The following NDUFA10 variants were observed in gnomAD, a reference collection of about 807,000 sequenced individuals.
NDUFA10 encodes the protein NADH:ubiquinone oxidoreductase subunit A10.
Under a neutral mutation model 47.8 loss-of-function variants are expected in NDUFA10, and 40 were observed. That is an observed-to-expected ratio of 0.84 (90% CI 0.65 to 1.09). The LOEUF (loss-of-function observed/expected upper bound fraction) is 1.09, where lower values mean the gene tolerates loss of function less well. NDUFA10 is among the 50% of genes least tolerant of loss of function. The pLI, the probability that NDUFA10 is intolerant of heterozygous loss-of-function variation, is 0.00. For synonymous variants in NDUFA10, 183 were observed against 172.2 expected (o/e 1.06, Z -0.49); for missense variants, 413 against 451.1 (o/e 0.92, Z 0.76).
At position 239,945,262 on chromosome 2, in the gene NDUFA10, A is replaced by G. The variant is rs1405434333; in HGVS notation, c.294+44812T>C. 6.6e-6 allele frequency among the ~76,000 whole-genome samples: 1 copy of G among 152,198 alleles called. No individual in the cohort carries two copies. Among genetic ancestry groups the G allele is most frequent in the Non-Finnish European group, 1.5e-5 (1 of 68,012 alleles). ...AGACGCTGGGCTCCTTCATTTGCAC[A>G]ACCGCAGCGGCAGCGCCATCATTCC... On this transcript the variant is annotated intron_variant, in intron 4 of 5. Transcript: ENST00000419408. This position sits in a 1 kb window ranked among gnomAD's most constrained non-coding sequence, Gnocchi z 4.6.
chr2:239,899,416 A>G (rs1427472338), intron 4 of NDUFA10, among the ~76,000 whole-genome samples: 1 of 117,714 alleles, frequency 8.5e-6, no homozygotes, highest in Non-Finnish European at 1.8e-5. Context: ...CAGAGGTGTG[A>G]TGGAGGGGTG....
chr2:239,968,047 T>A (rs1456330745), intron 9 of NDUFA10, among the ~76,000 whole-genome samples: 3 of 151,148 alleles, frequency 2.0e-5, no homozygotes, highest in African/African-American at 7.3e-5. Context: ...CTTCTACTGG[T>A]GAAACGCTGT....
chr2:240,010,996 C>A (rs1574885067), intron 6 of NDUFA10, among the ~76,000 whole-genome samples: 1 of 152,176 alleles, frequency 6.6e-6, no homozygotes, highest in South Asian at 2.1e-4. Context: ...TTCAAACAAT[C>A]TGAGTTTAAC....
At chr2:239,916,138 TATAC>T (rs1426140765) in intron 4 of NDUFA10, among the ~76,000 whole-genome samples, 2 of 139,076 alleles carry the variant, frequency 1.4e-5, no homozygotes, top group African/African-American at 5.5e-5. Context: ...CACACACAAA[TATAC>T]AGACACACAC....
In NDUFA10 at chr2:239,928,720, C is replaced by T. The variant is rs1479308815; in HGVS notation, c.295-33406G>A. Among the ~76,000 whole-genome samples, 1 of 152,194 alleles carries T rather than the reference C, an allele frequency of 6.6e-6. No homozygotes were observed. Among genetic ancestry groups the T allele is most frequent in the South Asian group, 2.1e-4 (1 of 4,822 alleles). On this transcript the variant is annotated intron_variant, in intron 4 of 5. Coordinates refer to the NDUFA10 transcript ENST00000419408. This position sits in a 1 kb window ranked among gnomAD's most constrained non-coding sequence, Gnocchi z 4.3. The stretch of plus-strand genomic sequence containing the variant: ...CAGCCAACCACCGGACATCCCGCTC[C>T]AGGTCCCTCTGTGCAAGGATGTCAG...
chr2:239,905,200 G>C lies in NDUFA10; in HGVS notation c.295-9886C>G, dbSNP rs549049034. On this transcript the variant is annotated intron_variant, in intron 4 of 5. Transcript: ENST00000419408. ...GTGCCCGGGCCTGTTGGGGTCCTGT[G>C]TACCCCATGCAGTGTGAAGACCCCC... Among the ~76,000 whole-genome samples the C allele has an allele frequency of 1.3e-4, 20 of 152,286 alleles. No homozygotes were observed. In the South Asian group the frequency reaches 3.9e-3, roughly 30 times the overall value.
intron 4 of NDUFA10, among the ~76,000 whole-genome samples, chr2:239,920,021 C>A (rs1411909919): frequency 6.6e-6 from 1 of 152,188 alleles, no homozygotes; most frequent in Non-Finnish European, 1.5e-5. Flanking sequence ...TGGGGGCCCC[C>A]TCACCCTGCT....
intron 4 of NDUFA10, among the ~76,000 whole-genome samples, chr2:239,907,487 T>C (rs1421452105): frequency 6.6e-6 from 1 of 152,224 alleles, no homozygotes; most frequent in African/African-American, 2.4e-5. Context: ...AAAGTTTTTA[T>C]GATCTACCCA....
chr2:239,941,860 T>G (rs1402430794), intron 4 of NDUFA10, among the ~76,000 whole-genome samples: 1 of 152,244 alleles, frequency 6.6e-6, no homozygotes, highest in Non-Finnish European at 1.5e-5. Flanking sequence ...AACACAGGTA[T>G]GCTTTCATGA....
Position 239,945,313 on chromosome 2 carries a change from G to A in NDUFA10, c.294+44761C>T, listed in dbSNP as rs561973105. Among the ~76,000 whole-genome samples the A allele has an allele frequency of 4.5e-4, 68 of 152,312 alleles. No individual in the cohort carries two copies. The Middle Eastern group carries it at 0.014, about 30-fold the overall frequency. ...TCCTGCTTTGCAGCCAGGAAGACAC[G>A]AGCTCACAGATCAGCAATTTGCCCA... On this transcript the variant is annotated intron_variant, in intron 4 of 5. Transcript: ENST00000419408. This position sits in a 1 kb window ranked among gnomAD's most constrained non-coding sequence, Gnocchi z 4.6.
At chr2:239,947,151 CT>C (rs1483001127) in intron 4 of NDUFA10, among the ~76,000 whole-genome samples, 3 of 152,214 alleles carry the variant, frequency 2.0e-5, no homozygotes, top group Non-Finnish European at 4.4e-5. Context: ...TACAGAATCC[CT>C]GGAGGCCTAG....
downstream of NDUFA10, among the ~76,000 whole-genome samples, chr2:239,953,835 A>G (rs1402014511): frequency 1.3e-5 from 2 of 152,214 alleles, no homozygotes; most frequent in Admixed American, 1.3e-4. Context: ...CAAACTTAAA[A>G]TAGACTCCGC....
At chr2:239,973,706 G>C (rs1449292963) in intron 9 of NDUFA10, 2 of 428,988 alleles carry the variant, frequency 4.7e-6, no homozygotes, top group African/African-American at 4.2e-5. Context: ...ATCCAAAGAA[G>C]GGCTGTACAG....
intron 4 of NDUFA10, chr2:240,017,993 C>T (rs1484284265): frequency 9.2e-7 from 1 of 1,088,642 alleles, no homozygotes; most frequent in South Asian, 1.3e-5. Context: ...ACACCCCAAC[C>T]CCACCCTGAC....
intron 9 of NDUFA10, among the ~76,000 whole-genome samples, chr2:239,968,241 G>C (rs897927324): frequency 6.6e-6 from 1 of 152,210 alleles, no homozygotes; most frequent in African/African-American, 2.4e-5. Flanking sequence ...GACAGCATGC[G>C]GATCAGCAGG....
At chr2:239,937,588 T>A (rs1004981306) in intron 4 of NDUFA10, among the ~76,000 whole-genome samples, 1 of 152,212 alleles carries the variant, frequency 6.6e-6, no homozygotes, top group African/African-American at 2.4e-5. Context: ...CATCCAGTCA[T>A]CAGCTGACGG....
chr2:239,973,559 C>T (rs1281411696), intron 9 of NDUFA10: 2 of 469,068 alleles, frequency 4.3e-6, no homozygotes, highest in African/African-American at 2.0e-5. Context: ...ACACGATCAG[C>T]TTCAAGGAGG....
At chr2:239,992,632 G>A (rs1696297885) in intron 8 of NDUFA10, among the ~76,000 whole-genome samples, 1 of 152,204 alleles carries the variant, frequency 6.6e-6, no homozygotes, top group African/African-American at 2.4e-5. Flanking sequence ...CTGGGCTCTG[G>A]AGAAGCAGGG....
rs551321552 is a variant in NDUFA10, at chr2:239,939,449, G to A, written c.295-44135C>T. On this transcript the variant is annotated intron_variant, in intron 4 of 5. Coordinates refer to the NDUFA10 transcript ENST00000419408. ...TGCAGTGGAAACAGCTCCCTGGGGGGCCACCCGCGTACTCCAACGTGTCTG... is the reference window on the plus strand; with the variant it reads ...TGCAGTGGAAACAGCTCCCTGGGGGACCACCCGCGTACTCCAACGTGTCTG... Among the ~76,000 whole-genome samples, 13 of 152,368 alleles carry A rather than the reference G, an allele frequency of 8.5e-5. No individual in the cohort carries two copies. In the South Asian group the frequency reaches 2.7e-3, roughly 32 times the overall value.
Sources: allele counts gnomAD v4.1 joint callset (sites outside exome capture counted in the v4.1 genomes callset), GRCh38; gene constraint gnomAD v4.1.1; non-coding constraint Gnocchi (gnomAD v3.1); transcripts MANE v1.5; gene names NCBI Gene and HGNC (gene_info 2026-07-23, HGNC 2026-07-21).